HNF1B: variants seen among roughly 807,000 people sequenced by gnomAD.
The protein encoded by HNF1B is hepatocyte nuclear factor 1-beta.
A neutral mutation model predicts 61.7 loss-of-function variants in HNF1B; 8 were observed. That is an observed-to-expected ratio of 0.13 (90% CI 0.08 to 0.23). The LOEUF is 0.23. Among genes scored for constraint, HNF1B ranks in the 10% least tolerant of loss-of-function variants. HNF1B has a pLI of 1.00. For synonymous variants in HNF1B, 314 were observed against 287.7 expected (o/e 1.09, Z -0.93); for missense variants, 562 against 714.5 (o/e 0.79, Z 2.43).
At chr17:37,734,870 T>C (rs2033789726) in intron 2 of HNF1B, among the ~76,000 whole-genome samples, 1 of 149,632 alleles carries the variant, frequency 6.7e-6, no homozygotes. Context: ...CTCACTACAA[T>C]CTCCGCCTCC....
intron 2 of HNF1B, among the ~76,000 whole-genome samples, chr17:37,738,786 A>T (rs2033907176): frequency 6.6e-6 from 1 of 152,228 alleles, no homozygotes; most frequent in African/African-American, 2.4e-5. Context: ...TCAGAGTTCC[A>T]AATGCAGATG....
At chr17:37,733,951 C>G (rs2033763987) in intron 2 of HNF1B, 130 bp from the exon 3 acceptor site, 2 of 1,101,870 alleles carry the variant, frequency 1.8e-6, no homozygotes, top group African/African-American at 1.5e-5. Context: ...AACCTTCTCT[C>G]ACTGCATGTG....
chr17:37,693,885 G>C (rs1054431389), intron 8 of HNF1B, among the ~76,000 whole-genome samples: 3 of 152,186 alleles, frequency 2.0e-5, no homozygotes, highest in Non-Finnish European at 4.4e-5. Context: ...AAGAGTCTGG[G>C]ATCTTCCCTT....
chr17:37,720,146 T>C (rs560625855), intron 4 of HNF1B, among the ~76,000 whole-genome samples: 162 of 152,294 alleles, frequency 1.1e-3, no homozygotes, highest in African/African-American at 2.9e-3. Flanking sequence ...CAGGGCAGTT[T>C]TGTTTCTGTC....
chr17:37,716,740 T>A (rs2033127433), intron 4 of HNF1B, among the ~76,000 whole-genome samples: 1 of 152,094 alleles, frequency 6.6e-6, no homozygotes. Flanking sequence ...CTACAGCTCA[T>A]AGAGCCCCTG....
chr17:37,689,265 C>T (rs1054592980), intron 8 of HNF1B, among the ~76,000 whole-genome samples: 1 of 152,094 alleles, frequency 6.6e-6, no homozygotes, highest in Non-Finnish European at 1.5e-5. Context: ...TACCCTTTGC[C>T]TCCTCTTCCT....
At chr17:37,716,062 T>G (rs1405551687) in intron 4 of HNF1B, among the ~76,000 whole-genome samples, 3 of 152,018 alleles carry the variant, frequency 2.0e-5, no homozygotes, top group African/African-American at 7.2e-5. Flanking sequence ...GGCAGGAGAA[T>G]TGCTTGAACC....
rs560347919 is a variant in HNF1B at position 37,692,964 on chromosome 17, G to A, written c.1654-5572C>T. On this transcript the variant is annotated intron_variant, in intron 8 of 8. Transcript: ENST00000617811. ...CCAGCACTTTGGGAGGCAGAGGCGG[G>A]CAGATCACGAGGTCAGGAATTTGAG... Among the ~76,000 whole-genome samples the A allele has an allele frequency of 1.4e-3, 212 of 152,210 alleles. 2 individuals are homozygous for A. The highest frequency in any genetic ancestry group is 1.6e-3 in the Non-Finnish European group (109 of 67,998).
chr17:37,705,087 C>T (rs898584035), intron 5 of HNF1B, 38 bp from the exon 6 acceptor site: 2 of 1,598,838 alleles, frequency 1.3e-6, no homozygotes, highest in Admixed American at 1.8e-5. Flanking sequence ...CATGGGTGGA[C>T]TTGGACCACA....
At position 37,731,658 on chromosome 17, in the gene HNF1B, G is replaced by T. The variant is rs986828416; in HGVS notation, c.982C>A (p.Pro328Thr). 4.3e-6 allele frequency: 7 copies of T among 1,614,142 alleles called. No individual in the cohort carries two copies. In the Admixed American group the frequency reaches 6.7e-5, roughly 15 times the overall value. ...YSSNQTHSLN[P>T]LLSHGSPHHQ... The stretch of plus-strand genomic sequence containing the variant: ...TGGGGGGAGCCGTGGGAGAGCAGAG[G>T]GTTCAGGCTGTGAGTCTGGTTGGAG... Residue 328 changes from proline to threonine, a missense_variant, in exon 4 of 9, where the codon CCT (proline) becomes ACT (threonine). Around this residue, in one of 6 missense-constraint regions of HNF1B, gnomAD observed 211 missense variants for 200.7 expected, o/e 1.05. Transcript: ENST00000617811.
chr17:37,704,432 C>T (rs1459597795), intron 6 of HNF1B, among the ~76,000 whole-genome samples: 1 of 152,142 alleles, frequency 6.6e-6, no homozygotes, highest in Non-Finnish European at 1.5e-5. Flanking sequence ...CACAAAACTC[C>T]CCATTTAGAA....
At chr17:37,725,877 T>A (rs986578325) in intron 4 of HNF1B, among the ~76,000 whole-genome samples, 3 of 152,128 alleles carry the variant, frequency 2.0e-5, no homozygotes. Context: ...CATTTAGTAG[T>A]CCAGACAGTG....
chr17:37,697,316 C>T (rs1937711993), intron 8 of HNF1B, among the ~76,000 whole-genome samples: 1 of 152,184 alleles, frequency 6.6e-6, no homozygotes, highest in African/African-American at 2.4e-5. Flanking sequence ...TTGCCAGACT[C>T]CTGAAATGTC....
Position 37,704,988 on chromosome 17 carries a change from G to A in HNF1B, c.1268C>T (p.Ser423Phe). The change falls in exon 6 of 9, where the codon TCC becomes TTC. Residue 423 changes from serine to phenylalanine, a missense_variant. By Grantham distance (155) the Ser-to-Phe change is radical (BLOSUM62 -2). Around this residue, in one of 6 missense-constraint regions of HNF1B, gnomAD observed 211 missense variants for 200.7 expected, o/e 1.05. Coordinates refer to ENST00000617811, the MANE Select transcript of HNF1B (RefSeq NM_000458.4). ...TTGAGATTGCTGGGGATTATGGTGG[G>A]AGAGGCTGTGGATATTCGTCAAGGT... Reference protein sequence around the residue: ...VSTLTNIHSLSHHNPQQSQNL... With the variant: ...VSTLTNIHSLFHHNPQQSQNL... 6.2e-7 allele frequency: 1 copy of A among 1,613,966 alleles called. No individual in the cohort carries two copies. The highest frequency in any genetic ancestry group is 8.5e-7 in the Non-Finnish European group (1 of 1,179,862).
intron 5 of HNF1B, among the ~76,000 whole-genome samples, chr17:37,706,423 C>T (rs2147462093): frequency 6.6e-6 from 1 of 152,208 alleles, no homozygotes; most frequent in East Asian, 1.9e-4. Context: ...CTTCCCAGAG[C>T]TTTTCAGACG....
At chr17:37,704,888 C>T (rs753417964) in intron 6 of HNF1B, 29 bp downstream of exon 6, 2 of 1,613,618 alleles carry the variant, frequency 1.2e-6, no homozygotes, top group Admixed American at 1.7e-5. Flanking sequence ...TCCCTGCCCC[C>T]AAGTTTTCCA....
intron 7 of HNF1B, among the ~76,000 whole-genome samples, chr17:37,699,550 G>C (rs1426710156): frequency 6.6e-6 from 1 of 152,188 alleles, no homozygotes; most frequent in African/African-American, 2.4e-5. Flanking sequence ...GGCACCATGG[G>C]CTCTCTCTTC....
chr17:37,692,593 G>A (rs1055437449), intron 8 of HNF1B, among the ~76,000 whole-genome samples: 5 of 151,168 alleles, frequency 3.3e-5, no homozygotes, highest in Non-Finnish European at 7.4e-5. Context: ...CAAAAAACAC[G>A]GGTTCTGCAT....
At chr17:37,731,478 G>A (rs529234896) in intron 4 of HNF1B, 117 bp downstream of exon 4, 11 of 810,616 alleles carry the variant, frequency 1.4e-5, no homozygotes, top group Non-Finnish European at 2.3e-5. Flanking sequence ...TGAGAGAGCG[G>A]CCCTAGGATC....
Sources: allele counts gnomAD v4.1 joint callset (sites outside exome capture counted in the v4.1 genomes callset), GRCh38; gene constraint gnomAD v4.1.1; regional missense constraint gnomAD v4.1.1; transcripts MANE v1.5; gene names NCBI Gene and HGNC (gene_info 2026-07-23, HGNC 2026-07-21).